The following ERBB2 variants were observed in gnomAD, a reference collection of about 807,000 sequenced individuals.
ERBB2 encodes receptor tyrosine-protein kinase erbB-2.
Under a neutral mutation model 149.0 loss-of-function variants are expected in ERBB2, and 61 were observed. That is an observed-to-expected ratio of 0.41 (90% CI 0.33 to 0.51). ERBB2 has a LOEUF of 0.51. Ranked by LOEUF, ERBB2 falls within the 20% of genes least tolerant of loss-of-function variation. The probability of loss-of-function intolerance (pLI) is 0.25; values close to 1 mark genes in which losing one functional copy is unlikely to be tolerated. For synonymous variants in ERBB2, 633 were observed against 678.8 expected (o/e 0.93, Z 1.05); for missense variants, 1,205 against 1,655.1 (o/e 0.73, Z 4.72).
chr17:39,694,296 TATATGTGTATATATATATACAC>T (rs1470694975), upstream of ERBB2, among the ~76,000 whole-genome samples: 12 of 57,714 alleles, frequency 2.1e-4, 1 homozygote, highest in East Asian at 9.3e-4. Flanking sequence ...TATACACATA[TATATGTGTATATATATATACAC>T]ACACACATAT....
Position 39,727,880 on chromosome 17 carries a change from G to A in ERBB2, c.3604G>A (p.Gly1202Arg), listed in dbSNP as rs1308088661. ...CCCCGAGTACTTGACACCCCAGGGA[G>A]GAGCTGCCCCTCAGCCCCACCCTCC... ...ENPEYLTPQG[G>R]AAPQPHPPPA... The change falls in exon 27 of 27, where the codon GGA (glycine) becomes AGA (arginine). Residue 1202 changes from glycine (G) to arginine (R), a missense_variant. Physicochemically the swap from Gly to Arg is moderately radical, Grantham distance 125. Transcript: ENST00000269571. This position sits in a 1 kb window ranked among gnomAD's most constrained non-coding sequence, Gnocchi z 4.3. 1 of 1,614,136 alleles carries A rather than the reference G, an allele frequency of 6.2e-7. No homozygotes were observed. Among genetic ancestry groups the A allele is most frequent in the South Asian group, 1.1e-5 (1 of 91,088 alleles).
upstream of ERBB2, among the ~76,000 whole-genome samples, chr17:39,697,458 C>A (rs746797912): frequency 2.7e-5 from 4 of 150,574 alleles, no homozygotes; most frequent in Non-Finnish European, 4.4e-5. Context: ...CAGGTTCAAG[C>A]GATTCACCTG....
Position 39,726,483 on chromosome 17 carries a change from A to C in ERBB2, c.2873-79A>C. On this transcript the variant is annotated intron_variant, in intron 23 of 26. Coordinates refer to ENST00000269571, the MANE Select transcript of ERBB2 (RefSeq NM_004448.4). The surrounding 1 kb of genome is among the most constrained non-coding windows in gnomAD (Gnocchi z 5.1). ...TGTCCCTTGGGACTGTCTAGACCAG[A>C]CTGGAGGGGGAGTGGGAGGGGAGAG... 1.7e-6 allele frequency: 2 copies of C among 1,201,532 alleles called. No individual in the cohort carries two copies. Among genetic ancestry groups the C allele is most frequent in the Non-Finnish European group, 2.5e-6 (2 of 814,048 alleles). The allele number at this position is 1,201,532 out of a possible 1,614,324, so 74.4% of individuals were successfully genotyped here.
intron 15 of ERBB2, among the ~76,000 whole-genome samples, chr17:39,719,212 G>C (rs990927922): frequency 6.6e-6 from 1 of 151,628 alleles, no homozygotes; most frequent in Admixed American, 6.6e-5. Context: ...AGTGAGACGA[G>C]ATTGCACCAG....
chr17:39,700,287 C>T lies in ERBB2; in HGVS notation c.49C>T (p.Pro17Ser), dbSNP rs1307888184. ...CTGGGGGCTCCTCCTCGCCCTCTTG[C>T]CCCCCGGAGCCGCGAGCACCCAAGG... ...CRWGLLLALL[P>S]PGAASTQVCT... The change falls in exon 1 of 27, where the codon CCC becomes TCC. Residue 17 changes from proline to serine, a missense_variant. This residue lies in a region of ERBB2 where 101 missense variants were observed against 95.1 expected (regional missense o/e 1.06). Coordinates refer to ENST00000269571, the MANE Select transcript of ERBB2 (RefSeq NM_004448.4). 1 of 1,428,410 alleles carries T rather than the reference C, an allele frequency of 7.0e-7. No individual in the cohort carries two copies. Among genetic ancestry groups the T allele is most frequent in the Admixed American group, 2.6e-5 (1 of 37,744 alleles). 88.5% of individuals were successfully genotyped at this position (1,428,410 alleles called of 1,614,324 possible).
At chr17:39,691,477 G>A (rs1313349210), upstream of ERBB2, among the ~76,000 whole-genome samples, 1 of 150,364 alleles carries the variant, frequency 6.7e-6, no homozygotes, top group Admixed American at 6.6e-5. Flanking sequence ...CAGGGAGTTG[G>A]AGGTTGCAGT....
rs2145443863 is a variant in ERBB2 at position 39,708,468 on chromosome 17, A to G, written c.373A>G (p.Asn125Asp). ...GCTAGACAATGGAGACCCGCTGAAC[A>G]ATACCACCCCTGTCACAGGGGCCTC... ...AVLDNGDPLN[N>D]TTPVTGASPG... is the part of the protein sequence containing the mutation. Residue 125 changes from asparagine to aspartate, a missense_variant, in exon 3 of 27, where the codon AAT becomes GAT. Asn to Asp is a conservative substitution (Grantham distance 23, BLOSUM62 1). Transcript: ENST00000269571. 6.2e-7 allele frequency: 1 copy of G among 1,614,166 alleles called. No homozygotes were observed. The highest frequency in any genetic ancestry group is 8.5e-7 in the Non-Finnish European group (1 of 1,180,002).
At position 39,723,404 on chromosome 17, in the gene ERBB2, C is replaced by G. The variant is rs1377979176; in HGVS notation, c.2032C>G (p.Arg678Gly). ...GGTCTTTGGGATCCTCATCAAGCGA[C>G]GGCAGCAGAAGATCCGGAAGTACAC... ...GVVFGILIKRRQQKIRKYTMR... is the reference protein window; with the variant it reads ...GVVFGILIKRGQQKIRKYTMR... Residue 678 changes from arginine to glycine, a missense_variant, in exon 17 of 27, where the codon CGG becomes GGG. Physicochemically the swap from Arg to Gly is moderately radical, Grantham distance 125. Coordinates refer to ENST00000269571, the MANE Select transcript of ERBB2 (RefSeq NM_004448.4). This position sits in a 1 kb window ranked among gnomAD's most constrained non-coding sequence, Gnocchi z 6.2. 6.2e-7 allele frequency: 1 copy of G among 1,614,162 alleles called. No individual in the cohort carries two copies. The highest frequency in any genetic ancestry group is 8.5e-7 in the Non-Finnish European group (1 of 1,180,036).
chr17:39,724,272 A>ATTTTTTTTTTTTTTTTTTTTTTTTT lies in ERBB2; in HGVS notation c.2307+278_2307+279insTTTTTTTTTTTTTTTTTTTTTTTTT, dbSNP rs71149796. 2.5e-3 allele frequency among the ~76,000 whole-genome samples: 193 copies of ATTTTTTTTTTTTTTTTTTTTTTTTT among 76,946 alleles called. 43 individuals are homozygous for ATTTTTTTTTTTTTTTTTTTTTTTTT. Among genetic ancestry groups the ATTTTTTTTTTTTTTTTTTTTTTTTT allele is most frequent in the African/African-American group, 3.7e-3 (82 of 21,930 alleles). The allele number at this position is 76,946 out of a possible 152,430, so 50.5% of individuals were successfully genotyped here. A position where few individuals can be genotyped will look rare whatever the true frequency, so the allele number is the denominator to read the frequency against. On this transcript the variant is annotated intron_variant, in intron 19 of 26. Transcript: ENST00000269571. ...TAGCTGGGATTACAAGCGCCCGCTAATTTTTTTTTTTTTTTTGAGACAGAG... is the reference window on the plus strand; with the variant it reads ...TAGCTGGGATTACAAGCGCCCGCTAATTTTTTTTTTTTTTTTTTTTTTTTTTTTTTTTTTTTTTTTTGAGACAGAG...
rs371450390 is a variant in ERBB2 at position 39,715,886 on chromosome 17, G to A, written c.1460G>A (p.Arg487Gln). Residue 487 changes from arginine (R) to glutamine (Q), a missense_variant, in exon 12 of 27, where the codon CGG (arginine) becomes CAG (glutamine). By Grantham distance (43) the Arg-to-Gln change is conservative. Around this residue, in one of 6 missense-constraint regions of ERBB2, gnomAD observed 569 missense variants for 803.5 expected, o/e 0.71. Transcript: ENST00000269571. Reference protein sequence around the residue: ...VHTVPWDQLFRNPHQALLHTA... With the variant: ...VHTVPWDQLFQNPHQALLHTA... ...ACGGTGCCCTGGGACCAGCTCTTTCGGAACCCGCACCAAGCTCTGCTCCAC... is the reference window on the plus strand; with the variant it reads ...ACGGTGCCCTGGGACCAGCTCTTTCAGAACCCGCACCAAGCTCTGCTCCAC... 1.9e-5 allele frequency: 30 copies of A among 1,612,330 alleles called. No homozygotes were observed. Among genetic ancestry groups the A allele is most frequent in the East Asian group, 2.2e-5 (1 of 44,874 alleles).
chr17:39,712,212 T>A, intron 8 of ERBB2, 110 bp from the exon 9 acceptor site: 1 of 1,527,652 alleles, frequency 6.5e-7, no homozygotes, highest in East Asian at 2.3e-5. Flanking sequence ...TGTCCCTATA[T>A]CCCCTGTCAG....
upstream of ERBB2, chr17:39,699,627 C>T: frequency 8.3e-7 from 1 of 1,202,730 alleles, no homozygotes; most frequent in Non-Finnish European, 1.2e-6. Context: ...ATCAATTTTA[C>T]TAGAGGATGT....
At chr17:39,695,835 C>T (rs985631225), upstream of ERBB2, among the ~76,000 whole-genome samples, 3 of 151,978 alleles carry the variant, frequency 2.0e-5, no homozygotes, top group African/African-American at 7.3e-5. Flanking sequence ...GCAGCCCCAG[C>T]CTGTTGACTT....
Position 39,725,256 on chromosome 17 carries a change from C to T in ERBB2, c.2649+52C>T, listed in dbSNP as rs1321086055. ...GAGGCTGGGTGGAGTGGTGTCTAGC[C>T]CATGGGAGAACTCTGAGTGGCCACC... On this transcript the variant is annotated intron_variant, in intron 21 of 26. Transcript: ENST00000269571. The surrounding 1 kb of genome is among the most constrained non-coding windows in gnomAD (Gnocchi z 4.6). 1 of 1,613,224 alleles carries T rather than the reference C, an allele frequency of 6.2e-7. No individual in the cohort carries two copies. The highest frequency in any genetic ancestry group is 1.3e-5 in the African/African-American group (1 of 74,834).
At position 39,717,491 on chromosome 17, in the gene ERBB2, C is replaced by T. The variant is rs1567907392; in HGVS notation, c.1898+11C>T. The T allele has an allele frequency of 4.4e-6, 7 of 1,598,826 alleles. No homozygotes were observed. Among genetic ancestry groups the T allele is most frequent in the Non-Finnish European group, 6.0e-6 (7 of 1,169,464 alleles). On this transcript the variant is annotated intron_variant, in intron 15 of 26. Coordinates refer to ENST00000269571, the MANE Select transcript of ERBB2 (RefSeq NM_004448.4). ...CAACTGCACCCACTCGTGAGTCCAA[C>T]GGTCTTTTCTGCAGAAAGGAGGACT...
chr17:39,715,961 G>A (rs1464624203), intron 12 of ERBB2, 22 bp downstream of exon 12: 3 of 1,601,038 alleles, frequency 1.9e-6, no homozygotes, highest in Non-Finnish European at 2.5e-6. Flanking sequence ...AGCCCAGTGT[G>A]CGCACTCCCC....
chr17:39,697,353 TG>T (rs1443564969), upstream of ERBB2, among the ~76,000 whole-genome samples: 31 of 147,222 alleles, frequency 2.1e-4, no homozygotes, highest in East Asian at 7.8e-4. Flanking sequence ...TTTTTTGTTT[TG>T]TTTTTTTTTT....
upstream of ERBB2, among the ~76,000 whole-genome samples, chr17:39,692,210 T>G (rs146151249): frequency 6.6e-6 from 1 of 152,098 alleles, no homozygotes; most frequent in East Asian, 1.9e-4. Context: ...TGTGTGTGTA[T>G]GCATGTGTAT....
chr17:39,713,771 AAG>A (rs1555615699), intron 9 of ERBB2, among the ~76,000 whole-genome samples: 1 of 145,026 alleles, frequency 6.9e-6, no homozygotes, highest in Non-Finnish European at 1.5e-5. Flanking sequence ...AAAAAAAAAA[AAG>A]GGTCAGGCGC....
Sources: gnomAD v4.1 joint callset for allele counts (sites outside exome capture counted in the v4.1 genomes callset) on GRCh38, gnomAD v4.1.1 for gene constraint, gnomAD v4.1.1 regional missense constraint, Gnocchi (gnomAD v3.1) non-coding constraint, MANE v1.5 for transcripts, NCBI Gene and HGNC (gene_info 2026-07-23, HGNC 2026-07-21) for gene names.